KIAA1217: variants seen among roughly 807,000 people sequenced by gnomAD.
KIAA1217 encodes sickle tail protein homolog.
KIAA1217 carries 88 observed loss-of-function variants against 163.9 expected under a neutral mutation model. The ratio of observed to expected loss-of-function variants is 0.54; its 90% CI spans 0.45 to 0.64. The LOEUF is 0.64. KIAA1217 is among the 30% of genes least tolerant of loss of function. The pLI, the probability that KIAA1217 is intolerant of heterozygous loss-of-function variation, is 0.00. For missense variants in KIAA1217, 2,372 were observed against 2,475.0 expected (o/e 0.96, Z 0.88); for synonymous variants, 903 against 923.1 (o/e 0.98, Z 0.39).
At chr10:24,154,218 A>G (rs2064770193) in intron 2 of KIAA1217, among the ~76,000 whole-genome samples, 1 of 151,910 alleles carries the variant, frequency 6.6e-6, no homozygotes, top group African/African-American at 2.4e-5. Context: ...CGGCCTCCCA[A>G]AGTGCTGGGA....
At chr10:24,197,144 T>TAGTTATATAATATA (rs1345719345) in intron 2 of KIAA1217, among the ~76,000 whole-genome samples, 1 of 152,240 alleles carries the variant, frequency 6.6e-6, no homozygotes, top group Non-Finnish European at 1.5e-5. Context: ...ATATAACCAA[T>TAGTTATATAATATA]GACCTTTTAG....
At chr10:24,022,939 G>A (rs1847796991) in intron 2 of KIAA1217, among the ~76,000 whole-genome samples, 1 of 148,282 alleles carries the variant, frequency 6.7e-6, no homozygotes, top group Admixed American at 6.7e-5. Flanking sequence ...AAAAAAAAAA[G>A]GATATCTATA....
chr10:24,429,381 T>C (rs1399003819), intron 3 of KIAA1217, among the ~76,000 whole-genome samples: 1 of 152,180 alleles, frequency 6.6e-6, no homozygotes, highest in Non-Finnish European at 1.5e-5. Context: ...AACATTCTTA[T>C]AATATTGTTT....
intron 2 of KIAA1217, among the ~76,000 whole-genome samples, chr10:24,070,298 AG>A (rs199556218): frequency 0.018 from 2,663 of 151,998 alleles, 81 homozygotes; most frequent in African/African-American, 0.06. Flanking sequence ...TAAAAAAAAA[AG>A]AGATATTAAT....
At chr10:24,456,943 C>A (rs1007347285) in intron 5 of KIAA1217, among the ~76,000 whole-genome samples, 1 of 151,956 alleles carries the variant, frequency 6.6e-6, no homozygotes, top group Non-Finnish European at 1.5e-5. Context: ...CTCAAATGAT[C>A]CACCTGCCTG....
chr10:24,376,458 C>T (rs2052505588), intron 2 of KIAA1217, among the ~76,000 whole-genome samples: 3 of 152,144 alleles, frequency 2.0e-5, no homozygotes, highest in Admixed American at 2.0e-4. Flanking sequence ...CATTCCCAGA[C>T]TCCTGGTTAA....
At chr10:24,482,621 G>A (rs2064861849) in intron 6 of KIAA1217, 1 of 152,168 alleles carries the variant, frequency 6.6e-6, no homozygotes, top group Non-Finnish European at 1.5e-5. Context: ...GATTACACTT[G>A]TCCTTATTTG....
chr10:24,085,569 A>G (rs946242853), intron 2 of KIAA1217, among the ~76,000 whole-genome samples: 3 of 152,064 alleles, frequency 2.0e-5, no homozygotes, highest in Non-Finnish European at 2.9e-5. Context: ...TCTGTTCATC[A>G]TGGTGCCCAG....
intron 2 of KIAA1217, among the ~76,000 whole-genome samples, chr10:24,276,140 C>T (rs932580021): frequency 4.6e-5 from 7 of 152,156 alleles, no homozygotes; most frequent in Non-Finnish European, 8.8e-5. Flanking sequence ...GCTACAAGGT[C>T]ATTGGAATCT....
At chr10:23,921,302 G>A (rs1284753234) in intron 1 of KIAA1217, among the ~76,000 whole-genome samples, 1 of 152,130 alleles carries the variant, frequency 6.6e-6, no homozygotes, top group African/African-American at 2.4e-5. Flanking sequence ...CTTTCCTGCA[G>A]CTGGAGCTCA....
At position 24,546,191 on chromosome 10, in the gene KIAA1217, C is replaced by T; in HGVS notation, c.5699C>T (p.Pro1900Leu). 3 of 1,614,152 alleles carry T rather than the reference C, an allele frequency of 1.9e-6. No individual in the cohort carries two copies. The highest frequency in any genetic ancestry group is 2.5e-6 in the Non-Finnish European group (3 of 1,180,022). Reference protein sequence around the residue: ...PLSFSSSPPSPASSVSLNQGA... With the variant: ...PLSFSSSPPSLASSVSLNQGA... ...TCATTTTCCTCCTCCCCTCCTTCTC[C>T]TGCCTCCTCCGTCTCACTGAATCAA... Residue 1900 changes from proline (P) to leucine (L), a missense_variant, in exon 21 of 21, where the codon CCT becomes CTT. This residue lies in a region of KIAA1217 where 690 missense variants were observed against 677.5 expected (regional missense o/e 1.02). Transcript: ENST00000376454.
In KIAA1217 at chr10:24,134,257, C is replaced by T. The variant is rs184781426; in HGVS notation, c.-170-85369C>T. Among the ~76,000 whole-genome samples, 6 of 152,208 alleles carry T rather than the reference C, an allele frequency of 3.9e-5. No individual in the cohort carries two copies. The East Asian group carries it at 1.2e-3, about 29-fold the overall frequency. On this transcript the variant is annotated intron_variant, in intron 2 of 18. Coordinates refer to the KIAA1217 transcript ENST00000376462. ...GTGGCTGATGGTGCATTGTTAAGGGCATTTTAGCAGAGCAAACATAAAAAG... is the reference window on the plus strand; with the variant it reads ...GTGGCTGATGGTGCATTGTTAAGGGTATTTTAGCAGAGCAAACATAAAAAG...
rs192625732 is a variant in KIAA1217, at chr10:23,823,952, G to T, written c.-321+128718G>T. ...GGGGGGGAAAGGAAGGGAAGGAACT[G>T]AAAAGAAAGGCAGAGGGTTGATGAA... is the stretch of plus-strand genomic sequence containing the variant. On this transcript the variant is annotated intron_variant, in intron 1 of 18. Transcript: ENST00000376462. Among the ~76,000 whole-genome samples the T allele has an allele frequency of 4.2e-3, 643 of 152,022 alleles. 6 individuals are homozygous for T. The highest frequency in any genetic ancestry group is 0.013 in the African/African-American group (549 of 41,472).
chr10:24,190,937 T>C (rs1182368892), intron 2 of KIAA1217, among the ~76,000 whole-genome samples: 1 of 151,986 alleles, frequency 6.6e-6, no homozygotes, highest in African/African-American at 2.4e-5. Context: ...CTCACACTTG[T>C]AATCCCAGCA....
chr10:24,057,777 TG>T (rs1589329595), intron 2 of KIAA1217, among the ~76,000 whole-genome samples: 1 of 152,182 alleles, frequency 6.6e-6, no homozygotes, highest in East Asian at 1.9e-4. Flanking sequence ...AAACCGTAGG[TG>T]TTCCTTACCT....
At chr10:23,888,823 C>T (rs964804657) in intron 1 of KIAA1217, among the ~76,000 whole-genome samples, 5 of 151,848 alleles carry the variant, frequency 3.3e-5, no homozygotes, top group Admixed American at 6.6e-5. Flanking sequence ...TCCAGAAAGT[C>T]CTCTCTTGCA....
At chr10:24,073,686 C>T (rs777260597) in intron 2 of KIAA1217, among the ~76,000 whole-genome samples, 14 of 152,084 alleles carry the variant, frequency 9.2e-5, no homozygotes, top group Non-Finnish European at 1.8e-4. Flanking sequence ...AAGTCTATTC[C>T]AATAGGAATG....
intron 2 of KIAA1217, among the ~76,000 whole-genome samples, chr10:24,247,805 GA>G (rs1483314980): frequency 6.6e-6 from 1 of 152,110 alleles, no homozygotes; most frequent in Non-Finnish European, 1.5e-5. Flanking sequence ...CGTCTTAAAG[GA>G]AAAAAATTTC....
intron 2 of KIAA1217, among the ~76,000 whole-genome samples, chr10:24,138,572 A>G (rs1268698563): frequency 6.6e-6 from 1 of 151,752 alleles, no homozygotes; most frequent in Non-Finnish European, 1.5e-5. Flanking sequence ...ACAGTTTTCT[A>G]TAAAATGGAT....
Sources: allele counts gnomAD v4.1 joint callset (sites outside exome capture counted in the v4.1 genomes callset), GRCh38; gene constraint gnomAD v4.1.1; regional missense constraint gnomAD v4.1.1; transcripts MANE v1.5; gene names NCBI Gene and HGNC (gene_info 2026-07-23, HGNC 2026-07-21).